ONECUT2: variants seen among roughly 807,000 people sequenced by gnomAD.
ONECUT2 encodes the protein one cut domain family member 2.
Under a neutral mutation model 27.9 loss-of-function variants are expected in ONECUT2, and 10 were observed. The ratio of observed to expected loss-of-function variants is 0.36; its 90% CI spans 0.22 to 0.61. The LOEUF is 0.61. Among genes scored for constraint, ONECUT2 ranks in the 20% least tolerant of loss-of-function variants. The pLI is 0.73. For synonymous variants in ONECUT2, 334 were observed against 315.1 expected, an observed-to-expected ratio of 1.06 and a Z score of -0.64; for missense variants, 686 against 721.0, an observed-to-expected ratio of 0.95 and a Z score of 0.56.
Position 57,436,657 on chromosome 18 carries a change from G to A in ONECUT2, c.941G>A (p.Arg314Gln). The part of the protein sequence containing the change: ...HGPVLAPSRE[R>Q]PPSSSSGSQV... ...CCGGTGCTGGCACCCAGTCGCGAGCGGCCACCCTCGTCCTCATCGGGCTCG... is the reference window on the plus strand; with the variant it reads ...CCGGTGCTGGCACCCAGTCGCGAGCAGCCACCCTCGTCCTCATCGGGCTCG... The change falls in exon 1 of 2, where the codon CGG becomes CAG. Residue 314 changes from arginine (R) to glutamine (Q), a missense_variant. Around this residue, in one of 4 missense-constraint regions of ONECUT2, gnomAD observed 511 missense variants for 488.1 expected, o/e 1.05. Coordinates refer to ENST00000491143, the MANE Select transcript of ONECUT2 (RefSeq NM_004852.3). The surrounding 1 kb of genome is among the most constrained non-coding windows in gnomAD (Gnocchi z 5.9). 6.2e-7 allele frequency: 1 copy of A among 1,612,402 alleles called. No individual in the cohort carries two copies.
At chr18:57,468,582 C>G (rs1239134091) in intron 1 of ONECUT2, among the ~76,000 whole-genome samples, 4 of 152,222 alleles carry the variant, frequency 2.6e-5, no homozygotes, top group African/African-American at 9.6e-5. Flanking sequence ...CCATCAAGGC[C>G]TGGCTCCTCC....
rs535077792 is a variant in ONECUT2, at chr18:57,489,780, C to G, written c.*13057C>G. On this transcript the variant is annotated 3_prime_UTR_variant, in exon 2 of 2. Transcript: ENST00000491143. ...GTTACACAAGTCCAAGTGGTGCCAG[C>G]AAACTTCTTACCGTGAAATGTTGTA... is the stretch of plus-strand genomic sequence containing the variant. 6.6e-6 allele frequency: 1 copy of G among 152,256 alleles called. No individual in the cohort carries two copies. The highest frequency in any genetic ancestry group is 1.5e-5 in the Non-Finnish European group (1 of 68,032). 9.4% of individuals were successfully genotyped at this position (152,256 alleles called of 1,614,324 possible).
chr18:57,443,660 A>G (rs138346530), intron 1 of ONECUT2, among the ~76,000 whole-genome samples: 4 of 152,308 alleles, frequency 2.6e-5, no homozygotes, highest in African/African-American at 9.6e-5. Flanking sequence ...GGGAAAAGGT[A>G]GGGACGTGGA....
At chr18:57,454,727 T>G (rs181491011) in intron 1 of ONECUT2, among the ~76,000 whole-genome samples, 5 of 152,206 alleles carry the variant, frequency 3.3e-5, no homozygotes, top group African/African-American at 4.8e-5. Flanking sequence ...CACTCATCAC[T>G]GGGCATGCTG....
At position 57,481,521 on chromosome 18, in the gene ONECUT2, T is replaced by C. The variant is rs1167734000; in HGVS notation, c.*4798T>C. On this transcript the variant is annotated 3_prime_UTR_variant, in exon 2 of 2. Coordinates refer to ENST00000491143, the MANE Select transcript of ONECUT2 (RefSeq NM_004852.3). ...GATAATCAGTTATTTTCTTTGTCTA[T>C]ACTGGGCACCCACCTACTAGTGCCA... 1 of 152,228 alleles carries C rather than the reference T, an allele frequency of 6.6e-6. No individual in the cohort carries two copies. Among genetic ancestry groups the C allele is most frequent in the African/African-American group, 2.4e-5 (1 of 41,466 alleles). The allele number at this position is 152,228 out of a possible 1,614,324, so 9.4% of individuals were successfully genotyped here.
chr18:57,443,442 A>G (rs3786481), intron 1 of ONECUT2, among the ~76,000 whole-genome samples: 6,335 of 152,232 alleles, frequency 0.042, 394 homozygotes, highest in East Asian at 0.31. Flanking sequence ...GTCCATAATG[A>G]GGAAGCCCTC....
At chr18:57,472,202 C>T (rs967863802) in intron 1 of ONECUT2, among the ~76,000 whole-genome samples, 4 of 152,168 alleles carry the variant, frequency 2.6e-5, no homozygotes, top group Non-Finnish European at 5.9e-5. Context: ...TTGACACTTT[C>T]CTGGCTGTTC....
rs775258316 is a variant in ONECUT2 at position 57,436,018 on chromosome 18, C to A, written c.302C>A (p.Ala101Glu). The A allele has an allele frequency of 2.0e-6, 3 of 1,531,338 alleles. No individual in the cohort carries two copies. The highest frequency in any genetic ancestry group is 1.4e-5 in the African/African-American group (1 of 72,856). The allele number at this position is 1,531,338 out of a possible 1,614,324, so 94.9% of individuals were successfully genotyped here. A position where few individuals can be genotyped will look rare whatever the true frequency, so the allele number is the denominator to read the frequency against. Reference sequence around the variant, plus strand: ...ACGGCGGCAGCGGCGGCAGCGGCGGCGTCGCGCTCGGCCATGGTCACCAGC... The same window carrying A: ...ACGGCGGCAGCGGCGGCAGCGGCGGAGTCGCGCTCGGCCATGGTCACCAGC... ...LGTAAAAAAA[A>E]SRSAMVTSMA... is the part of the protein sequence containing the mutation. The change falls in exon 1 of 2, where the codon GCG becomes GAG. Residue 101 changes from alanine to glutamate, a missense_variant. By Grantham distance (107) the Ala-to-Glu change is moderately radical. Transcript: ENST00000491143. This position sits in a 1 kb window ranked among gnomAD's most constrained non-coding sequence, Gnocchi z 5.9.
chr18:57,453,709 G>A (rs944758666), intron 1 of ONECUT2, among the ~76,000 whole-genome samples: 2 of 152,152 alleles, frequency 1.3e-5, no homozygotes, highest in African/African-American at 4.8e-5. Flanking sequence ...TTACAGACTC[G>A]CAGTCCAGCT....
rs1420941448 is a variant in ONECUT2, at chr18:57,479,891, A to T, written c.*3168A>T. ...CACCAAAGGGACTTCTCACAGGGGA[A>T]GCCCAACTCCTGTTGCAATGGGTTG... On this transcript the variant is annotated 3_prime_UTR_variant, in exon 2 of 2. Transcript: ENST00000491143. 1.3e-5 allele frequency: 2 copies of T among 152,182 alleles called. No individual in the cohort carries two copies. The highest frequency in any genetic ancestry group is 1.5e-5 in the Non-Finnish European group (1 of 68,042). The allele number at this position is 152,182 out of a possible 1,614,324, so 9.4% of individuals were successfully genotyped here.
At chr18:57,448,599 T>C (rs1305216033) in intron 1 of ONECUT2, among the ~76,000 whole-genome samples, 1 of 152,210 alleles carries the variant, frequency 6.6e-6, no homozygotes. Context: ...GACGTGCCTT[T>C]CTCAGGAGTT....
intron 1 of ONECUT2, among the ~76,000 whole-genome samples, chr18:57,460,064 A>C (rs2050281824): frequency 6.6e-6 from 1 of 152,186 alleles, no homozygotes; most frequent in South Asian, 2.1e-4. Flanking sequence ...CTAGGACTAC[A>C]GGTGCCTGCC....
At chr18:57,442,274 TC>T (rs2050179907) in intron 1 of ONECUT2, among the ~76,000 whole-genome samples, 1 of 141,266 alleles carries the variant, frequency 7.1e-6, no homozygotes. Context: ...AAATTATGAA[TC>T]CCACCTGTTG....
At position 57,436,294 on chromosome 18, in the gene ONECUT2, G is replaced by A; in HGVS notation, c.578G>A (p.Gly193Asp). ...HHQRLSGNVSGSFTLMRDERG... is the reference protein window; with the variant it reads ...HHQRLSGNVSDSFTLMRDERG... Reference sequence around the variant, plus strand: ...CAGCGCCTGTCCGGCAACGTCAGCGGCAGCTTCACCCTCATGCGCGACGAG... The same window carrying A: ...CAGCGCCTGTCCGGCAACGTCAGCGACAGCTTCACCCTCATGCGCGACGAG... Residue 193 changes from glycine (G) to aspartate (D), a missense_variant, in exon 1 of 2, where the codon GGC (glycine) becomes GAC (aspartate). By Grantham distance (94) the Gly-to-Asp change is moderately conservative (BLOSUM62 -1). Transcript: ENST00000491143. The surrounding 1 kb of genome is among the most constrained non-coding windows in gnomAD (Gnocchi z 5.9). 2 of 1,604,106 alleles carry A rather than the reference G, an allele frequency of 1.2e-6. No individual in the cohort carries two copies. The highest frequency in any genetic ancestry group is 1.7e-6 in the Non-Finnish European group (2 of 1,179,490).
At chr18:57,473,800 G>A (rs550592529) in intron 1 of ONECUT2, among the ~76,000 whole-genome samples, 1 of 152,324 alleles carries the variant, frequency 6.6e-6, no homozygotes, top group African/African-American at 2.4e-5. Flanking sequence ...GCAAGAGAGA[G>A]TAGACCTCAA....
intron 1 of ONECUT2, chr18:57,444,493 C>T (rs1024410630): frequency 1.1e-5 from 5 of 454,362 alleles, no homozygotes; most frequent in African/African-American, 1.0e-4. Context: ...CCCACTCCAC[C>T]CCAGTGCCCT....
In ONECUT2 at chr18:57,480,200, T is replaced by A. The variant is rs2122159535; in HGVS notation, c.*3477T>A. On this transcript the variant is annotated 3_prime_UTR_variant, in exon 2 of 2. Coordinates refer to ENST00000491143, the MANE Select transcript of ONECUT2 (RefSeq NM_004852.3). The stretch of plus-strand genomic sequence containing the variant: ...CACAATTTTTATAATTCATCCTTCC[T>A]AGGAGATTGTTCATTGGCTCTTCCC... 6.6e-6 allele frequency: 1 copy of A among 152,216 alleles called. No homozygotes were observed. The highest frequency in any genetic ancestry group is 1.9e-4 in the East Asian group (1 of 5,194). The allele number at this position is 152,216 out of a possible 1,614,324, so 9.4% of individuals were successfully genotyped here. A position where few individuals can be genotyped will look rare whatever the true frequency, so the allele number is the denominator to read the frequency against.
chr18:57,457,663 T>C (rs1331281927), intron 1 of ONECUT2, among the ~76,000 whole-genome samples: 1 of 152,170 alleles, frequency 6.6e-6, no homozygotes, highest in East Asian at 1.9e-4. Flanking sequence ...CTTAAAAACA[T>C]TTTTTATCAA....
At chr18:57,464,616 T>C (rs2050310591) in intron 1 of ONECUT2, among the ~76,000 whole-genome samples, 1 of 152,262 alleles carries the variant, frequency 6.6e-6, no homozygotes, top group Admixed American at 6.5e-5. Context: ...TTGTTCAAAC[T>C]ATATTATTCA....
Sources: gnomAD v4.1 joint callset for allele counts (sites outside exome capture counted in the v4.1 genomes callset) on GRCh38, gnomAD v4.1.1 for gene constraint, gnomAD v4.1.1 regional missense constraint, Gnocchi (gnomAD v3.1) non-coding constraint, MANE v1.5 for transcripts, NCBI Gene and HGNC (gene_info 2026-07-23, HGNC 2026-07-21) for gene names.